ANLN: variants seen among roughly 807,000 people sequenced by gnomAD.
ANLN encodes anillin, actin binding protein.
ANLN carries 59 observed loss-of-function variants against 135.1 expected under a neutral mutation model. The ratio of observed to expected loss-of-function variants is 0.44; its 90% confidence interval spans 0.35 to 0.54. The LOEUF (loss-of-function observed/expected upper bound fraction) is 0.54. Ranked by LOEUF, ANLN falls within the 20% of genes least tolerant of loss-of-function variation. The pLI, the probability that ANLN is intolerant of heterozygous loss-of-function variation, is 0.00. For synonymous variants in ANLN, 406 were observed against 456.4 expected (o/e 0.89, Z 1.41); for missense variants, 1,182 against 1,340.0 (o/e 0.88, Z 1.84).
intron 6 of ANLN, 139 bp downstream of exon 6, chr7:36,410,843 T>C (rs1787381854): frequency 5.1e-6 from 5 of 977,978 alleles, no homozygotes; most frequent in East Asian, 5.0e-5. Flanking sequence ...TCAGACAAGA[T>C]TGGGCACATT....
chr7:36,423,430 C>T (rs1159968735), intron 14 of ANLN, among the ~76,000 whole-genome samples: 1 of 152,022 alleles, frequency 6.6e-6, no homozygotes, highest in Non-Finnish European at 1.5e-5. Context: ...TATCATTTAT[C>T]TCTGAGTAAC....
chr7:36,415,791 C>T lies in ANLN; in HGVS notation c.1429C>T (p.His477Tyr). Reference protein sequence around the residue: ...THCQSTPLKKHQGVSKTQSLP... With the variant: ...THCQSTPLKKYQGVSKTQSLP... Reference sequence around the variant, plus strand: ...CTGTCAGAGCACTCCCCTCAAAAAACACCAAGGTGTTTCAAAAACTCAGTC... The same window carrying T: ...CTGTCAGAGCACTCCCCTCAAAAAATACCAAGGTGTTTCAAAAACTCAGTC... The change falls in exon 8 of 24, where the codon CAC (histidine) becomes TAC (tyrosine). Residue 477 changes from histidine (H) to tyrosine (Y), a missense_variant. Physicochemically the swap from His to Tyr is moderately conservative, Grantham distance 83. Coordinates refer to ENST00000265748, the MANE Select transcript of ANLN (RefSeq NM_018685.5). 6.2e-7 allele frequency: 1 copy of T among 1,607,584 alleles called. No individual in the cohort carries two copies. The highest frequency in any genetic ancestry group is 2.2e-5 in the East Asian group (1 of 44,712).
chr7:36,452,794 A>G lies in ANLN; in HGVS notation c.*194A>G, dbSNP rs1789301832. On this transcript the variant is annotated 3_prime_UTR_variant, in exon 24 of 24. Transcript: ENST00000265748. ...TGATTTCTGTCATTCATCAATGAGT[A>G]GAAGTAAATACATTATAGTTGATTT... The G allele has an allele frequency of 2.0e-6, 1 of 503,738 alleles. No individual in the cohort carries two copies. 31.2% of individuals were successfully genotyped at this position (503,738 alleles called of 1,614,324 possible). A position where few individuals can be genotyped will look rare whatever the true frequency, so the allele number is the denominator to read the frequency against.
At chr7:36,443,976 G>C in intron 22 of ANLN, 114 bp downstream of exon 22, 1 of 694,860 alleles carries the variant, frequency 1.4e-6, no homozygotes, top group South Asian at 2.1e-5. Context: ...CCCTTTTTGT[G>C]TACTCACTAA....
At chr7:36,409,391 C>T (rs1787319085) in intron 5 of ANLN, among the ~76,000 whole-genome samples, 5 of 152,056 alleles carry the variant, frequency 3.3e-5, no homozygotes, top group Admixed American at 3.3e-4. Context: ...GGAGCACAGC[C>T]ACACCCATTT....
In ANLN at chr7:36,421,726, T is replaced by G. The variant is rs367877360; in HGVS notation, c.2164-131T>G. On this transcript the variant is annotated intron_variant, in intron 12 of 23. Transcript: ENST00000265748. Reference sequence around the variant, plus strand: ...GTGCATAGTCGAGAAACTTGAGCAGTGAAACTAACATTTTGACTTTCATCT... The same window carrying G: ...GTGCATAGTCGAGAAACTTGAGCAGGGAAACTAACATTTTGACTTTCATCT... The G allele has an allele frequency of 4.4e-3, 3,444 of 776,734 alleles. 13 individuals are homozygous for G. Among genetic ancestry groups the G allele is most frequent in the Non-Finnish European group, 5.6e-3 (2,872 of 511,434 alleles). The allele number at this position is 776,734 out of a possible 1,614,324, so 48.1% of individuals were successfully genotyped here.
chr7:36,438,530 C>G (rs1034130013), intron 20 of ANLN, among the ~76,000 whole-genome samples: 1 of 152,126 alleles, frequency 6.6e-6, no homozygotes, highest in African/African-American at 2.4e-5. Context: ...TGCCACCACA[C>G]CTGGCTAATT....
At chr7:36,402,755 C>G (rs769954780) in intron 3 of ANLN, among the ~76,000 whole-genome samples, 2 of 152,146 alleles carry the variant, frequency 1.3e-5, no homozygotes, top group Non-Finnish European at 2.9e-5. Flanking sequence ...GTTTTTCTGA[C>G]TAGATTATCT....
Position 36,419,465 on chromosome 7 carries a change from G to A in ANLN, c.1855G>A (p.Val619Met), listed in dbSNP as rs1787781702. ...TGCACCATTGGCACAAACAGTTGGTGTGGTAAGTCCAGAGGTAAGAAAAGG... is the reference window on the plus strand; with the variant it reads ...TGCACCATTGGCACAAACAGTTGGTATGGTAAGTCCAGAGGTAAGAAAAGG... ...LLAPLAQTVGVVSPESLVSTP... is the reference protein window; with the variant it reads ...LLAPLAQTVGMVSPESLVSTP... The change falls in exon 10 of 24, where the codon GTG becomes ATG. Residue 619 changes from valine (V) to methionine (M), a missense_variant. Transcript: ENST00000265748. 5 of 1,613,474 alleles carry A rather than the reference G, an allele frequency of 3.1e-6. No individual in the cohort carries two copies. Among genetic ancestry groups the A allele is most frequent in the Non-Finnish European group, 3.4e-6 (4 of 1,179,970 alleles).
At chr7:36,404,719 A>G (rs576020461) in intron 3 of ANLN, among the ~76,000 whole-genome samples, 5 of 152,178 alleles carry the variant, frequency 3.3e-5, no homozygotes, top group Admixed American at 3.3e-4. Context: ...TGCTTTGGGG[A>G]CATCATTAGG....
chr7:36,408,455 A>G (rs1787279628), intron 5 of ANLN, among the ~76,000 whole-genome samples: 1 of 152,222 alleles, frequency 6.6e-6, no homozygotes, highest in Non-Finnish European at 1.5e-5. Context: ...GTTTATTGAT[A>G]AATAATAGAT....
chr7:36,391,775 C>G (rs1288257155), intron 1 of ANLN, among the ~76,000 whole-genome samples: 1 of 152,176 alleles, frequency 6.6e-6, no homozygotes, highest in Admixed American at 6.5e-5. Flanking sequence ...CAATGCCACC[C>G]TACAAACATA....
intron 6 of ANLN, 123 bp downstream of exon 6, chr7:36,410,827 C>T (rs1787381059): frequency 9.2e-7 from 1 of 1,082,010 alleles, no homozygotes; most frequent in Admixed American, 2.5e-5. Flanking sequence ...TTCTGTATCA[C>T]TAATTTCAGA....
intron 20 of ANLN, among the ~76,000 whole-genome samples, chr7:36,436,527 G>A (rs1276092996): frequency 6.6e-6 from 1 of 152,120 alleles, no homozygotes; most frequent in Non-Finnish European, 1.5e-5. Context: ...ATTATTTTTA[G>A]GAACTGCTAA....
chr7:36,400,145 G>T (rs1016848976), intron 3 of ANLN, among the ~76,000 whole-genome samples: 10 of 152,124 alleles, frequency 6.6e-5, no homozygotes, highest in African/African-American at 2.4e-4. Flanking sequence ...TTTTGCTAGA[G>T]GCCTATGCGA....
rs1170905149 is a variant in ANLN, at chr7:36,406,218, A to G, written c.525A>G (p.Pro175=). The part of the protein sequence containing the change: ...IPESSLFSPM[P]SEEKAASPPR... ...AAAGCTCACTCTTCTCACCAATGCCATCAGAGGAAAAGGCTGCTTCCCCTC... is the reference window on the plus strand; with the variant it reads ...AAAGCTCACTCTTCTCACCAATGCCGTCAGAGGAAAAGGCTGCTTCCCCTC... Residue 175 remains proline, a synonymous_variant, in exon 4 of 24, where the codon CCA becomes CCG. Transcript: ENST00000265748. The G allele has an allele frequency of 1.2e-6, 2 of 1,611,978 alleles. No homozygotes were observed. The highest frequency in any genetic ancestry group is 1.7e-5 in the Admixed American group (1 of 59,974).
chr7:36,419,365 G>A lies in ANLN; in HGVS notation c.1755G>A (p.Glu585=), dbSNP rs547520121. The A allele has an allele frequency of 1.7e-5, 27 of 1,614,132 alleles. No homozygotes were observed. The South Asian group carries it at 2.6e-4, about 16-fold the overall frequency. Reference sequence around the variant, plus strand: ...AACTAGATATGGAGAAGAGCCAAGAGGAGATGGATCAAGCATTAGCAGAAA... The same window carrying A: ...AACTAGATATGGAGAAGAGCCAAGAAGAGATGGATCAAGCATTAGCAGAAA... The part of the protein sequence containing the change: ...EGELDMEKSQ[E]EMDQALAESS... The change falls in exon 10 of 24, where the codon GAG becomes GAA. Residue 585 remains glutamate (E), a synonymous_variant. Transcript: ENST00000265748.
intron 10 of ANLN, among the ~76,000 whole-genome samples, chr7:36,419,851 G>A (rs898221056): frequency 6.6e-6 from 1 of 152,102 alleles, no homozygotes; most frequent in Non-Finnish European, 1.5e-5. Flanking sequence ...TTAGTATATC[G>A]GTAGTTAGCT....
At chr7:36,420,536 A>G (rs767490513) in intron 11 of ANLN, 61 bp from the exon 12 acceptor site, 12 of 1,441,084 alleles carry the variant, frequency 8.3e-6, no homozygotes, top group Non-Finnish European at 1.1e-5. Context: ...GATATGTTCA[A>G]TAAAGGATAG....
Sources: allele counts gnomAD v4.1 joint callset (sites outside exome capture counted in the v4.1 genomes callset), GRCh38; gene constraint gnomAD v4.1.1; transcripts MANE v1.5; gene names NCBI Gene and HGNC (gene_info 2026-07-23, HGNC 2026-07-21).